HS3ST3A1: variants seen among roughly 807,000 people sequenced by gnomAD.
HS3ST3A1 encodes heparan sulfate-glucosamine 3-sulfotransferase 3A1, also known as heparan sulfate glucosamine 3-O-sulfotransferase 3A1.
A neutral mutation model predicts 25.7 loss-of-function variants in HS3ST3A1; 19 were observed. The ratio of observed to expected loss-of-function variants is 0.74; its 90% confidence interval spans 0.52 to 1.08. HS3ST3A1 has a LOEUF of 1.08. Among genes scored for constraint, HS3ST3A1 ranks in the 50% least tolerant of loss-of-function variants. The pLI, the probability that HS3ST3A1 is intolerant of heterozygous loss-of-function variation, is 0.00. For synonymous variants in HS3ST3A1, 226 were observed against 278.6 expected, an observed-to-expected ratio of 0.81 and a Z score of 1.88; for missense variants, 459 against 594.3, an observed-to-expected ratio of 0.77 and a Z score of 2.37.
At chr17:13,503,955 C>T (rs1351933595) in intron 1 of HS3ST3A1, among the ~76,000 whole-genome samples, 3 of 152,194 alleles carry the variant, frequency 2.0e-5, no homozygotes, top group Middle Eastern at 3.2e-3. Flanking sequence ...TCCAAATGTC[C>T]ACCCAAAATA....
At chr17:13,525,271 C>T (rs1181117717) in intron 1 of HS3ST3A1, among the ~76,000 whole-genome samples, 1 of 151,924 alleles carries the variant, frequency 6.6e-6, no homozygotes, top group Non-Finnish European at 1.5e-5. Context: ...TTCTTTATAC[C>T]TTAACCATAT....
Position 13,601,028 on chromosome 17 carries a change from C to T in HS3ST3A1, c.102G>A (p.Thr34=). 2 of 1,593,296 alleles carry T rather than the reference C, an allele frequency of 1.3e-6. No homozygotes were observed. Among genetic ancestry groups the T allele is most frequent in the Non-Finnish European group, 1.7e-6 (2 of 1,170,114 alleles). Reference sequence around the variant, plus strand: ...CCAGGCAGTAGAAGACGTAAAGGGACGTGAGCAGGGAGCAGAGCATCAGCA... The same window carrying T: ...CCAGGCAGTAGAAGACGTAAAGGGATGTGAGCAGGGAGCAGAGCATCAGCA... The part of the protein sequence containing the change: ...KFLLMLCSLL[T]SLYVFYCLAE... Residue 34 remains threonine (T), a synonymous_variant, in exon 1 of 2, where the codon ACG becomes ACA. Coordinates refer to ENST00000284110, the MANE Select transcript of HS3ST3A1 (RefSeq NM_006042.3).
intron 1 of HS3ST3A1, among the ~76,000 whole-genome samples, chr17:13,546,020 C>T (rs921114101): frequency 1.3e-5 from 2 of 152,130 alleles, no homozygotes; most frequent in Admixed American, 6.5e-5. Flanking sequence ...GATCTCCAGC[C>T]TCTTGCCAGC....
At chr17:13,568,518 G>C (rs1907729061) in intron 1 of HS3ST3A1, among the ~76,000 whole-genome samples, 2 of 151,632 alleles carry the variant, frequency 1.3e-5, no homozygotes, top group Admixed American at 1.3e-4. Context: ...ATTCTATTTG[G>C]CTCTTTGTCA....
chr17:13,497,881 G>C (rs1905334245), intron 1 of HS3ST3A1, among the ~76,000 whole-genome samples: 1 of 152,114 alleles, frequency 6.6e-6, no homozygotes, highest in Non-Finnish European at 1.5e-5. Context: ...CATGGAATTT[G>C]TGATTAGTTT....
chr17:13,578,393 C>CAAAA (rs397960321), intron 1 of HS3ST3A1, among the ~76,000 whole-genome samples: 3 of 94,928 alleles, frequency 3.2e-5, no homozygotes, highest in African/African-American at 7.3e-5. Context: ...TACAAAAATA[C>CAAAA]AAAAAAAAAA....
chr17:13,498,879 A>G (rs1283740784), intron 1 of HS3ST3A1, among the ~76,000 whole-genome samples: 4 of 151,682 alleles, frequency 2.6e-5, no homozygotes, highest in African/African-American at 4.8e-5. Flanking sequence ...AGTGATTTTC[A>G]GCAACCCTTC....
intron 1 of HS3ST3A1, among the ~76,000 whole-genome samples, chr17:13,540,418 T>C (rs1050587258): frequency 2.0e-5 from 3 of 152,224 alleles, no homozygotes; most frequent in African/African-American, 7.2e-5. Flanking sequence ...TTTTGTGTAA[T>C]TGCCTCATTT....
intron 1 of HS3ST3A1, among the ~76,000 whole-genome samples, chr17:13,515,403 G>A (rs1219389268): frequency 6.6e-6 from 1 of 151,018 alleles, no homozygotes; most frequent in African/African-American, 2.4e-5. Flanking sequence ...CAGGTGATCT[G>A]CCTGCCTTCG....
At chr17:13,573,849 G>A (rs8069770) in intron 1 of HS3ST3A1, among the ~76,000 whole-genome samples, 3,817 of 152,270 alleles carry the variant, frequency 0.025, 165 homozygotes, top group African/African-American at 0.087. Flanking sequence ...TACGGGCACA[G>A]GGGAGCTTGC....
chr17:13,526,640 A>C (rs564774489), intron 1 of HS3ST3A1, among the ~76,000 whole-genome samples: 119 of 150,296 alleles, frequency 7.9e-4, no homozygotes, highest in African/African-American at 2.6e-3. Flanking sequence ...TTTTCTTTTT[A>C]TTTTATTTTA....
At chr17:13,534,039 C>T (rs907258769) in intron 1 of HS3ST3A1, among the ~76,000 whole-genome samples, 1 of 152,160 alleles carries the variant, frequency 6.6e-6, no homozygotes, top group Non-Finnish European at 1.5e-5. Flanking sequence ...GCATTAGAGT[C>T]TTGTTATGAA....
chr17:13,508,084 G>C (rs1184351990), intron 1 of HS3ST3A1, among the ~76,000 whole-genome samples: 2 of 152,072 alleles, frequency 1.3e-5, no homozygotes, highest in African/African-American at 2.4e-5. Context: ...ACCGAATCTG[G>C]ATATGCAATT....
chr17:13,555,002 G>A (rs1017816173), intron 1 of HS3ST3A1, among the ~76,000 whole-genome samples: 1 of 152,066 alleles, frequency 6.6e-6, no homozygotes, highest in Non-Finnish European at 1.5e-5. Context: ...TCAGCAGCAC[G>A]TGCCTGATTT....
intron 1 of HS3ST3A1, among the ~76,000 whole-genome samples, chr17:13,525,204 A>T (rs1352377742): frequency 6.6e-6 from 1 of 152,128 alleles, no homozygotes; most frequent in African/African-American, 2.4e-5. Context: ...ACAGATTCTT[A>T]TTCCTCCTAT....
intron 1 of HS3ST3A1, among the ~76,000 whole-genome samples, chr17:13,509,872 C>T (rs572913945): frequency 1.3e-5 from 2 of 152,328 alleles, no homozygotes; most frequent in East Asian, 3.9e-4. Flanking sequence ...TCTTCTGATG[C>T]TTGGCTCACT....
At chr17:13,540,470 G>T (rs1050829031) in intron 1 of HS3ST3A1, among the ~76,000 whole-genome samples, 1 of 152,174 alleles carries the variant, frequency 6.6e-6, no homozygotes, top group South Asian at 2.1e-4. Context: ...AACATTGTAT[G>T]ATTTGATGGA....
intron 1 of HS3ST3A1, among the ~76,000 whole-genome samples, chr17:13,539,364 G>T (rs1471065356): frequency 2.0e-5 from 3 of 152,204 alleles, no homozygotes; most frequent in Non-Finnish European, 4.4e-5. Flanking sequence ...GGGAGAAATA[G>T]TTGGCATATC....
At chr17:13,502,814 G>A (rs970582937) in intron 1 of HS3ST3A1, among the ~76,000 whole-genome samples, 5 of 151,680 alleles carry the variant, frequency 3.3e-5, no homozygotes, top group Admixed American at 6.6e-5. Context: ...GGAAGGAAAC[G>A]TAGAACATCT....
Sources: gnomAD v4.1 joint callset for allele counts (sites outside exome capture counted in the v4.1 genomes callset) on GRCh38, gnomAD v4.1.1 for gene constraint, MANE v1.5 for transcripts, NCBI Gene and HGNC (gene_info 2026-07-23, HGNC 2026-07-21) for gene names.